The following FTCDNL1 variants were observed in gnomAD, a reference collection of about 807,000 sequenced individuals.
The protein encoded by FTCDNL1 is formiminotransferase cyclodeaminase N-terminal like, also known as formiminotransferase N-terminal subdomain-containing protein.
A neutral mutation model predicts 5.9 loss-of-function variants in FTCDNL1; 11 were observed. The ratio of observed to expected loss-of-function variants is 1.87; its 90% CI spans 1.18 to 3.10. The LOEUF (loss-of-function observed/expected upper bound fraction) is 3.10, where lower values mean the gene tolerates loss of function less well. Ranked by LOEUF, FTCDNL1 falls within the 30% of genes most tolerant of loss-of-function variation. The pLI is 0.00. For missense variants in FTCDNL1, 115 were observed against 65.5 expected, an observed-to-expected ratio of 1.76 and a Z score of -2.61; for synonymous variants, 58 against 24.8, an observed-to-expected ratio of 2.34 and a Z score of -3.99.
At chr2:199,672,952 C>T in the FTCDNL1 span, among the ~76,000 whole-genome samples, 1 of 152,000 alleles carries the variant, frequency 6.6e-6, no homozygotes, top group Admixed American at 6.6e-5. Flanking sequence ...TCTTTTATTG[C>T]AGGAGTATCA....
the FTCDNL1 span, among the ~76,000 whole-genome samples, chr2:199,684,368 TAC>T: frequency 1.3e-5 from 2 of 152,210 alleles, no homozygotes; most frequent in African/African-American, 4.8e-5. Flanking sequence ...GCGCTATAAA[TAC>T]CCTACTTTCC....
At chr2:199,671,482 A>T in the FTCDNL1 span, among the ~76,000 whole-genome samples, 4 of 152,170 alleles carry the variant, frequency 2.6e-5, no homozygotes, top group African/African-American at 9.6e-5. Flanking sequence ...AAAGGAAAAA[A>T]AAAACCTCCC....
intron 3 of FTCDNL1, among the ~76,000 whole-genome samples, chr2:199,841,841 A>G (rs553561296): frequency 6.6e-6 from 1 of 152,232 alleles, no homozygotes. Flanking sequence ...TCCATTCTCT[A>G]TCATGCAGGC....
the FTCDNL1 span, among the ~76,000 whole-genome samples, chr2:199,708,779 G>C: frequency 6.6e-6 from 1 of 152,100 alleles, no homozygotes; most frequent in South Asian, 2.1e-4. Context: ...TCAGTTCCCT[G>C]TTTGGTCTTT....
At chr2:199,819,424 G>C (rs1356107356) in intron 4 of FTCDNL1, 148 bp downstream of exon 4, 3 of 607,192 alleles carry the variant, frequency 4.9e-6, no homozygotes, top group Non-Finnish European at 8.7e-6. Flanking sequence ...GCCTGGGTGA[G>C]AGTAACAGCA....
chr2:199,823,129 C>T (rs1273009003), intron 3 of FTCDNL1, among the ~76,000 whole-genome samples: 2 of 152,324 alleles, frequency 1.3e-5, no homozygotes, highest in East Asian at 3.9e-4. Context: ...GGATTACAGG[C>T]ATGAACCACC....
chr2:199,778,771 T>C (rs7578914), intron 3 of FTCDNL1, among the ~76,000 whole-genome samples: 68,599 of 152,104 alleles, frequency 0.45, 17,649 homozygotes, highest in Non-Finnish European at 0.56. Flanking sequence ...ATTTTTTCCC[T>C]TTGTGGCTGA....
the FTCDNL1 span, among the ~76,000 whole-genome samples, chr2:199,700,154 T>G: frequency 1.6e-4 from 25 of 152,244 alleles, no homozygotes; most frequent in African/African-American, 5.3e-4. Flanking sequence ...GAAACCCCCA[T>G]AGTCTCTGCC....
In FTCDNL1 at chr2:199,792,352, C is replaced by T. The variant is rs114254387; in HGVS notation, c.212-31517G>A. Among the ~76,000 whole-genome samples, 31 of 152,252 alleles carry T rather than the reference C, an allele frequency of 2.0e-4. 1 individual carries two copies. Among genetic ancestry groups the T allele is most frequent in the African/African-American group, 7.5e-4 (31 of 41,544 alleles). On this transcript the variant is annotated intron_variant, in intron 3 of 3. Transcript: ENST00000416668. ...CTTCTATCCAACCAAATCTGCTATA[C>T]CCTTCCAAAGTCCCTGCCTCATCCT...
At chr2:199,842,820 GCTGGTTTC>G (rs1189152094) in intron 3 of FTCDNL1, among the ~76,000 whole-genome samples, 1 of 151,970 alleles carries the variant, frequency 6.6e-6, no homozygotes, top group South Asian at 2.1e-4. Flanking sequence ...TTATGTTAAA[GCTGGTTTC>G]TCTGGGAAAG....
At chr2:199,666,769 G>T in the FTCDNL1 span, among the ~76,000 whole-genome samples, 3 of 152,020 alleles carry the variant, frequency 2.0e-5, no homozygotes, top group Admixed American at 2.0e-4. Context: ...ACAAAAATTA[G>T]CCAGGCATGG....
At chr2:199,815,604 A>G (rs1264474077) in intron 4 of FTCDNL1, among the ~76,000 whole-genome samples, 1 of 152,212 alleles carries the variant, frequency 6.6e-6, no homozygotes, top group Non-Finnish European at 1.5e-5. Context: ...GGAAATCGCT[A>G]TTGTTGGGAA....
chr2:199,848,019 G>A (rs186558924), intron 2 of FTCDNL1, among the ~76,000 whole-genome samples: 25 of 152,178 alleles, frequency 1.6e-4, no homozygotes, highest in Non-Finnish European at 2.5e-4. Context: ...AATGACAATC[G>A]GAAATTAAAA....
At chr2:199,699,204 C>T in the FTCDNL1 span, among the ~76,000 whole-genome samples, 1 of 152,254 alleles carries the variant, frequency 6.6e-6, no homozygotes, top group South Asian at 2.1e-4. Flanking sequence ...TGGTGGCTCA[C>T]ACCTATAATC....
chr2:199,666,972 T>G, the FTCDNL1 span, among the ~76,000 whole-genome samples: 1 of 151,134 alleles, frequency 6.6e-6, no homozygotes, highest in Admixed American at 6.6e-5. Context: ...TTTTCCTTGG[T>G]GGAGTTTTTC....
the FTCDNL1 span, among the ~76,000 whole-genome samples, chr2:199,737,817 T>A: frequency 4.6e-5 from 7 of 152,226 alleles, no homozygotes; most frequent in Non-Finnish European, 1.5e-5. Flanking sequence ...GCGTGTCACG[T>A]AGCTGGTCCT....
intron 3 of FTCDNL1, among the ~76,000 whole-genome samples, chr2:199,766,697 C>T (rs1698552385): frequency 6.6e-6 from 1 of 152,050 alleles, no homozygotes; most frequent in African/African-American, 2.4e-5. Flanking sequence ...TTTATGTGGC[C>T]TTGAACTTAA....
chr2:199,841,997 G>A (rs1444171933), intron 3 of FTCDNL1, among the ~76,000 whole-genome samples: 2 of 152,158 alleles, frequency 1.3e-5, no homozygotes, highest in African/African-American at 4.8e-5. Context: ...GGTGGCTCAT[G>A]CCTGTAATCC....
the FTCDNL1 span, among the ~76,000 whole-genome samples, chr2:199,709,822 T>C: frequency 2.0e-5 from 3 of 152,188 alleles, no homozygotes; most frequent in South Asian, 2.1e-4. Context: ...TTTGTAAAAA[T>C]AGGCATTCTT....
Sources: gnomAD v4.1 joint callset for allele counts (sites outside exome capture counted in the v4.1 genomes callset) on GRCh38, gnomAD v4.1.1 for gene constraint, MANE v1.5 for transcripts, NCBI Gene and HGNC (gene_info 2026-07-23, HGNC 2026-07-21) for gene names.